OSR2: variants seen among roughly 807,000 people sequenced by gnomAD.
OSR2 encodes the protein protein odd-skipped-related 2.
A neutral mutation model predicts 22.3 loss-of-function variants in OSR2; 8 were observed. The ratio of observed to expected loss-of-function variants is 0.36; its 90% CI spans 0.21 to 0.65. The LOEUF is 0.65. OSR2 is among the 30% of genes least tolerant of loss of function. The pLI, the probability that OSR2 is intolerant of heterozygous loss-of-function variation, is 0.66. For missense variants in OSR2, 311 were observed against 413.4 expected, an observed-to-expected ratio of 0.75 and a Z score of 2.15; for synonymous variants, 179 against 173.8, an observed-to-expected ratio of 1.03 and a Z score of -0.23.
At chr8:98,946,528 C>T (rs879656076) in intron 1 of OSR2, among the ~76,000 whole-genome samples, 16 of 152,030 alleles carry the variant, frequency 1.1e-4, no homozygotes, top group South Asian at 4.1e-4. Context: ...ACTATCTGCC[C>T]TACAAATTAA....
At chr8:98,950,546 G>A in intron 2 of OSR2, 110 bp from the exon 3 acceptor site, 1 of 689,482 alleles carries the variant, frequency 1.5e-6, no homozygotes, top group Non-Finnish European at 2.4e-6. Context: ...AAACGTAAAT[G>A]GAAATCTTGT....
intron 1 of OSR2, 33 bp downstream of exon 1, chr8:98,944,856 G>A (rs1840557483): frequency 6.6e-6 from 1 of 152,230 alleles, no homozygotes. Context: ...GGCTGTAGCT[G>A]CCCTTTGGAA....
At position 98,949,123 on chromosome 8, in the gene OSR2, G is replaced by C; in HGVS notation, c.171G>C (p.Gly57=). Residue 57 remains glycine, a synonymous_variant, in exon 2 of 4, where the codon GGG becomes GGC. Transcript: ENST00000297565. This position sits in a 1 kb window ranked among gnomAD's most constrained non-coding sequence, Gnocchi z 5.9. ...TGCACATGAACCACTGGACGCTGGG[G>C]TATCCCAATGTGCACGAGATCACCC... ...QTMHMNHWTL[G]YPNVHEITRS... is the part of the protein sequence containing the mutation. 2 of 1,613,750 alleles carry C rather than the reference G, an allele frequency of 1.2e-6. No homozygotes were observed. Among genetic ancestry groups the C allele is most frequent in the Non-Finnish European group, 1.7e-6 (2 of 1,179,806 alleles).
In OSR2 at chr8:98,949,722, C is replaced by T; in HGVS notation, c.656+114C>T. The T allele has an allele frequency of 8.0e-7, 1 of 1,253,406 alleles. No individual in the cohort carries two copies. The highest frequency in any genetic ancestry group is 1.1e-6 in the Non-Finnish European group (1 of 906,912). The allele number at this position is 1,253,406 out of a possible 1,614,324, so 77.6% of individuals were successfully genotyped here. On this transcript the variant is annotated intron_variant, in intron 2 of 3. Coordinates refer to ENST00000297565, the MANE Select transcript of OSR2 (RefSeq NM_001142462.3). The surrounding 1 kb of genome is among the most constrained non-coding windows in gnomAD (Gnocchi z 5.9). The stretch of plus-strand genomic sequence containing the variant: ...TAATCCCCTGTGATCTAAAATACAC[C>T]CTCAGTCACGCTCCTCAGCCCGGTT...
rs778171988 is a variant in OSR2, at chr8:98,951,749, A to G, written c.*48A>G. ...GCCGCCGCTGCTCCCCTCCCCAGAC[A>G]CCTCTCCACGTCTCCTACCCAGGGG... On this transcript the variant is annotated 3_prime_UTR_variant, in exon 4 of 4. Transcript: ENST00000297565. 4.5e-6 allele frequency: 7 copies of G among 1,554,068 alleles called. No homozygotes were observed. The Admixed American group carries it at 1.3e-4, about 30-fold the overall frequency.
rs1310562850 is a variant in OSR2, at chr8:98,948,314, C to G, written c.-114-525C>G. Reference sequence around the variant, plus strand: ...CACGCCGGCTTGCCATCCGGGTAAGCGCGGGAAAGGCGGCCACAGGGCGCG... The same window carrying G: ...CACGCCGGCTTGCCATCCGGGTAAGGGCGGGAAAGGCGGCCACAGGGCGCG... On this transcript the variant is annotated intron_variant, in intron 1 of 3. Transcript: ENST00000297565. This position sits in a 1 kb window ranked among gnomAD's most constrained non-coding sequence, Gnocchi z 6.0. 2 of 1,524,890 alleles carry G rather than the reference C, an allele frequency of 1.3e-6. No individual in the cohort carries two copies. The highest frequency in any genetic ancestry group is 1.2e-5 in the South Asian group (1 of 83,370). 94.5% of individuals were successfully genotyped at this position (1,524,890 alleles called of 1,614,324 possible).
rs1419754141 is a variant in OSR2, at chr8:98,951,987, G to A, written c.*286G>A. On this transcript the variant is annotated 3_prime_UTR_variant, in exon 4 of 4. Coordinates refer to ENST00000297565, the MANE Select transcript of OSR2 (RefSeq NM_001142462.3). The stretch of plus-strand genomic sequence containing the variant: ...TAATGTTGTGGGTCTTTGTTTTGTT[G>A]TTTTGTTTGCTTTGGGATCTTGTTG... 2 of 294,094 alleles carry A rather than the reference G, an allele frequency of 6.8e-6. No individual in the cohort carries two copies. Among genetic ancestry groups the A allele is most frequent in the Non-Finnish European group, 1.3e-5 (2 of 159,784 alleles). The allele number at this position is 294,094 out of a possible 1,614,324, so 18.2% of individuals were successfully genotyped here.
chr8:98,950,978 A>C, intron 3 of OSR2: 1 of 599,260 alleles, frequency 1.7e-6, no homozygotes, highest in South Asian at 2.1e-5. Context: ...TGATTATCAT[A>C]AATCCTAATT....
Position 98,948,037 on chromosome 8 carries a change from G to A in OSR2, c.-114-802G>A. ...TCTCCGCCCCCACCCCACCCCCTGG[G>A]AGCCTGAACCATCTGGAAGGGATCT... On this transcript the variant is annotated intron_variant, in intron 1 of 3. Transcript: ENST00000297565. This position sits in a 1 kb window ranked among gnomAD's most constrained non-coding sequence, Gnocchi z 6.0. The A allele has an allele frequency of 9.3e-7, 1 of 1,078,542 alleles. No homozygotes were observed. Among genetic ancestry groups the A allele is most frequent in the Non-Finnish European group, 1.2e-6 (1 of 832,564 alleles). The allele number at this position is 1,078,542 out of a possible 1,614,324, so 66.8% of individuals were successfully genotyped here. A position where few individuals can be genotyped will look rare whatever the true frequency, so the allele number is the denominator to read the frequency against.
In OSR2 at chr8:98,948,918, G is replaced by A; in HGVS notation, c.-35G>A. The A allele has an allele frequency of 6.2e-7, 1 of 1,613,670 alleles. No homozygotes were observed. Among genetic ancestry groups the A allele is most frequent in the East Asian group, 2.2e-5 (1 of 44,876 alleles). ...CCGGCCTCTGATTCCTGGAAGAAAG[G>A]GTTGGTCCCCTCAGCACCCCCAGCA... On this transcript the variant is annotated 5_prime_UTR_variant, in exon 2 of 4. Coordinates refer to ENST00000297565, the MANE Select transcript of OSR2 (RefSeq NM_001142462.3). The surrounding 1 kb of genome is among the most constrained non-coding windows in gnomAD (Gnocchi z 6.0).
Position 98,948,804 on chromosome 8 carries a change from T to G in OSR2, c.-114-35T>G, listed in dbSNP as rs1840690984. On this transcript the variant is annotated intron_variant, in intron 1 of 3. Transcript: ENST00000297565. This position sits in a 1 kb window ranked among gnomAD's most constrained non-coding sequence, Gnocchi z 6.0. ...CAGAAGGAGCAGCCTTGGATTATAG[T>G]CACGGTCTCTCCCTCTCTTCCCTGC... The G allele has an allele frequency of 6.6e-7, 1 of 1,512,690 alleles. No homozygotes were observed. Among genetic ancestry groups the G allele is most frequent in the African/African-American group, 1.4e-5 (1 of 72,432 alleles). The allele number at this position is 1,512,690 out of a possible 1,614,324, so 93.7% of individuals were successfully genotyped here.
rs113009018 is a variant in OSR2 at position 98,951,147 on chromosome 8, G to GTTTAA, written c.757-369_757-368insAATTT. 1,554 of 450,986 alleles carry GTTTAA rather than the reference G, an allele frequency of 3.4e-3. 22 individuals are homozygous for GTTTAA. Among genetic ancestry groups the GTTTAA allele is most frequent in the African/African-American group, 0.028 (1,424 of 50,312 alleles). The allele number at this position is 450,986 out of a possible 1,614,324, so 27.9% of individuals were successfully genotyped here. Reference sequence around the variant, plus strand: ...TTTCAGGACATTGAGGAATAGTTTAGTTTTCCAGCAAAGAGGAGCCTTATT... The same window carrying GTTTAA: ...TTTCAGGACATTGAGGAATAGTTTAGTTTAATTTTCCAGCAAAGAGGAGCCTTATT... On this transcript the variant is annotated intron_variant, in intron 3 of 3. Coordinates refer to ENST00000297565, the MANE Select transcript of OSR2 (RefSeq NM_001142462.3).
Position 98,948,930 on chromosome 8 carries a change from C to T in OSR2, c.-23C>T. 6.2e-7 allele frequency: 1 copy of T among 1,613,826 alleles called. No individual in the cohort carries two copies. Among genetic ancestry groups the T allele is most frequent in the Non-Finnish European group, 8.5e-7 (1 of 1,179,892 alleles). On this transcript the variant is annotated 5_prime_UTR_variant, in exon 2 of 4. Transcript: ENST00000297565. This position sits in a 1 kb window ranked among gnomAD's most constrained non-coding sequence, Gnocchi z 6.0. Reference sequence around the variant, plus strand: ...TCCTGGAAGAAAGGGTTGGTCCCCTCAGCACCCCCAGCATCCCGGAAAATG... The same window carrying T: ...TCCTGGAAGAAAGGGTTGGTCCCCTTAGCACCCCCAGCATCCCGGAAAATG...
Position 98,948,617 on chromosome 8 carries a change from C to T in OSR2, c.-114-222C>T, listed in dbSNP as rs534403256. 8.9e-5 allele frequency: 89 copies of T among 995,392 alleles called. 1 individual carries two copies. The highest frequency in any genetic ancestry group is 1.2e-4 in the Non-Finnish European group (81 of 702,830). 61.7% of individuals were successfully genotyped at this position (995,392 alleles called of 1,614,324 possible). A position where few individuals can be genotyped will look rare whatever the true frequency, so the allele number is the denominator to read the frequency against. On this transcript the variant is annotated intron_variant, in intron 1 of 3. Coordinates refer to ENST00000297565, the MANE Select transcript of OSR2 (RefSeq NM_001142462.3). The surrounding 1 kb of genome is among the most constrained non-coding windows in gnomAD (Gnocchi z 6.0). ...TCCGACTTTCTTTCCTTTGGGCACG[C>T]GCTCGCCAGTGGAGCACTTCTTGTT...
chr8:98,948,652 G>C lies in OSR2; in HGVS notation c.-114-187G>C. ...TGGAGCACTTCTTGTTCTGGCCCCG[G>C]GCTGATCTGCACGCGGACTTGAGCA... On this transcript the variant is annotated intron_variant, in intron 1 of 3. Transcript: ENST00000297565. This position sits in a 1 kb window ranked among gnomAD's most constrained non-coding sequence, Gnocchi z 6.0. 1 of 968,740 alleles carries C rather than the reference G, an allele frequency of 1.0e-6. No homozygotes were observed. Among genetic ancestry groups the C allele is most frequent in the Non-Finnish European group, 1.5e-6 (1 of 675,602 alleles). The allele number at this position is 968,740 out of a possible 1,614,324, so 60.0% of individuals were successfully genotyped here.
Position 98,951,688 on chromosome 8 carries a change from G to A in OSR2, c.926G>A (p.Arg309Gln), listed in dbSNP as rs770951935. The A allele has an allele frequency of 6.2e-6, 10 of 1,612,954 alleles. No homozygotes were observed. Among genetic ancestry groups the A allele is most frequent in the Admixed American group, 5.0e-5 (3 of 59,916 alleles). The change falls in exon 4 of 4, where the codon CGG (arginine) becomes CAG (glutamine). Residue 309 changes from arginine (R) to glutamine (Q), a missense_variant. Physicochemically the swap from Arg to Gln is conservative, Grantham distance 43 (BLOSUM62 1). Around this residue, in one of 5 missense-constraint regions of OSR2, gnomAD observed 70 missense variants for 84.5 expected, o/e 0.83. Coordinates refer to ENST00000297565, the MANE Select transcript of OSR2 (RefSeq NM_001142462.3). ...LRRHSLTHTP[R>Q]QDF ...CGGCACAGCCTGACTCACACCCCGC[G>A]GCAGGACTTCTAGAGAAGCCCAGGA...
chr8:98,948,398 C>A lies in OSR2; in HGVS notation c.-114-441C>A. 1 of 1,443,144 alleles carries A rather than the reference C, an allele frequency of 6.9e-7. No homozygotes were observed. The allele number at this position is 1,443,144 out of a possible 1,614,324, so 89.4% of individuals were successfully genotyped here. On this transcript the variant is annotated intron_variant, in intron 1 of 3. Transcript: ENST00000297565. The surrounding 1 kb of genome is among the most constrained non-coding windows in gnomAD (Gnocchi z 6.0). Reference sequence around the variant, plus strand: ...TCCGTTAACCCACCGTTCCCAGGAGCTCCGAGGCGCAGCGGCGACAGAGGT... The same window carrying A: ...TCCGTTAACCCACCGTTCCCAGGAGATCCGAGGCGCAGCGGCGACAGAGGT...
At chr8:98,945,506 G>A (rs1840582625) in intron 1 of OSR2, among the ~76,000 whole-genome samples, 1 of 152,204 alleles carries the variant, frequency 6.6e-6, no homozygotes, top group Admixed American at 6.5e-5. Flanking sequence ...AACAAAAGGG[G>A]GCTGGCGTTT....
At chr8:98,947,809 C>T (rs749466579) in intron 1 of OSR2, among the ~76,000 whole-genome samples, 2 of 152,174 alleles carry the variant, frequency 1.3e-5, no homozygotes, top group Non-Finnish European at 2.9e-5. Context: ...ACTGCAGCTC[C>T]CCTGCAGCTC....
Sources: allele counts gnomAD v4.1 joint callset (sites outside exome capture counted in the v4.1 genomes callset), GRCh38; gene constraint gnomAD v4.1.1; regional missense constraint gnomAD v4.1.1; non-coding constraint Gnocchi (gnomAD v3.1); transcripts MANE v1.5; gene names NCBI Gene and HGNC (gene_info 2026-07-23, HGNC 2026-07-21).